SH3RF1: variants seen among roughly 807,000 people sequenced by gnomAD.
SH3RF1 encodes the protein E3 ubiquitin-protein ligase SH3RF1.
A neutral mutation model predicts 74.0 loss-of-function variants in SH3RF1; 32 were observed. The observed-to-expected ratio is 0.43, with a 90% CI of 0.33 to 0.58. SH3RF1 has a LOEUF of 0.58. SH3RF1 is among the 20% of genes least tolerant of loss of function. The pLI is 0.05. For missense variants in SH3RF1, 954 were observed against 1,130.9 expected (o/e 0.84, Z 2.24); for synonymous variants, 396 against 439.6 (o/e 0.90, Z 1.24).
chr4:169,157,884 G>A (rs1734085067), intron 2 of SH3RF1, among the ~76,000 whole-genome samples: 1 of 151,736 alleles, frequency 6.6e-6, no homozygotes, highest in African/African-American at 2.4e-5. Context: ...GGGATTGCAG[G>A]CAAGCACCAC....
At chr4:169,148,541 G>A (rs532207498) in intron 4 of SH3RF1, among the ~76,000 whole-genome samples, 5 of 152,068 alleles carry the variant, frequency 3.3e-5, no homozygotes, top group African/African-American at 1.2e-4. Flanking sequence ...CAAACGTTCT[G>A]GAACATGATT....
intron 2 of SH3RF1, among the ~76,000 whole-genome samples, chr4:169,246,258 G>A (rs1195431014): frequency 6.6e-6 from 1 of 152,212 alleles, no homozygotes; most frequent in Non-Finnish European, 1.5e-5. Flanking sequence ...CATGAGACAC[G>A]TATTTCATAA....
At chr4:169,139,186 C>CCT (rs1733745865) in intron 4 of SH3RF1, among the ~76,000 whole-genome samples, 1 of 152,222 alleles carries the variant, frequency 6.6e-6, no homozygotes, top group Non-Finnish European at 1.5e-5. Context: ...AAGCGATCCT[C>CCT]CTGTCTCAGC....
chr4:169,156,419 G>C lies in SH3RF1; in HGVS notation c.654C>G (p.Cys218Trp). Reference sequence around the variant, plus strand: ...CTACCTTTACCTTTGCAAATGGAAGGCAATCTTTGTCTGCTTCCTTGTCTT... The same window carrying C: ...CTACCTTTACCTTTGCAAATGGAAGCCAATCTTTGTCTGCTTCCTTGTCTT... ...EVKDKEADKD[C>W]LPFAKDDVLT... Residue 218 changes from cysteine (C) to tryptophan (W), a missense_variant, in exon 3 of 12, where the codon TGC (cysteine) becomes TGG (tryptophan). Coordinates refer to ENST00000284637, the MANE Select transcript of SH3RF1 (RefSeq NM_020870.4). 1 of 1,591,950 alleles carries C rather than the reference G, an allele frequency of 6.3e-7. No homozygotes were observed. Among genetic ancestry groups the C allele is most frequent in the Non-Finnish European group, 8.6e-7 (1 of 1,165,572 alleles).
intron 2 of SH3RF1, among the ~76,000 whole-genome samples, chr4:169,186,837 T>C (rs1189306364): frequency 1.4e-5 from 2 of 145,496 alleles, no homozygotes; most frequent in Non-Finnish European, 3.0e-5. Flanking sequence ...AAACCCCATC[T>C]CTACTAAAAA....
At chr4:169,171,767 C>T (rs57056624) in intron 2 of SH3RF1, among the ~76,000 whole-genome samples, 6,748 of 152,062 alleles carry the variant, frequency 0.044, 499 homozygotes, top group African/African-American at 0.15. Context: ...CACAAAAAAC[C>T]ACAGAAGACT....
At chr4:169,257,487 G>T (rs998756994) in intron 2 of SH3RF1, among the ~76,000 whole-genome samples, 1 of 152,116 alleles carries the variant, frequency 6.6e-6, no homozygotes, top group Admixed American at 6.5e-5. Context: ...CGACATGGTC[G>T]CTCTGTCTAA....
chr4:169,150,167 C>G (rs1426222671), intron 4 of SH3RF1, among the ~76,000 whole-genome samples: 1 of 152,184 alleles, frequency 6.6e-6, no homozygotes, highest in East Asian at 1.9e-4. Context: ...CAACTAATTA[C>G]TCCAAATTGT....
chr4:169,241,893 A>T (rs1251061338), intron 2 of SH3RF1, among the ~76,000 whole-genome samples: 1 of 152,108 alleles, frequency 6.6e-6, no homozygotes, highest in Non-Finnish European at 1.5e-5. Context: ...GTCTGTTACC[A>T]GACTTGCTCG....
intron 2 of SH3RF1, among the ~76,000 whole-genome samples, chr4:169,169,700 T>C (rs1339290786): frequency 2.0e-5 from 3 of 152,136 alleles, no homozygotes; most frequent in Non-Finnish European, 4.4e-5. Flanking sequence ...CACTTAAAAA[T>C]TTTTTATTTA....
At chr4:169,177,242 A>G (rs1207036000) in intron 2 of SH3RF1, among the ~76,000 whole-genome samples, 1 of 152,212 alleles carries the variant, frequency 6.6e-6, no homozygotes, top group Non-Finnish European at 1.5e-5. Flanking sequence ...TAAACAGAAG[A>G]ATACCTGTCA....
intron 10 of SH3RF1, among the ~76,000 whole-genome samples, chr4:169,115,017 TCTCTTC>T (rs1733308068): frequency 1.3e-5 from 2 of 152,132 alleles, no homozygotes; most frequent in Non-Finnish European, 2.9e-5. Flanking sequence ...TCCGTTACCA[TCTCTTC>T]TTTTTCTTTT....
chr4:169,196,177 T>C (rs1384191367), intron 2 of SH3RF1, among the ~76,000 whole-genome samples: 1 of 152,222 alleles, frequency 6.6e-6, no homozygotes, highest in African/African-American at 2.4e-5. Context: ...TGTATTTTTT[T>C]CTATTGCTAT....
intron 2 of SH3RF1, among the ~76,000 whole-genome samples, chr4:169,262,206 C>T (rs910508274): frequency 1.3e-5 from 2 of 151,936 alleles, no homozygotes; most frequent in African/African-American, 4.8e-5. Flanking sequence ...AATTCTAGTT[C>T]TGCAAAAAAT....
chr4:169,180,122 G>A (rs192874566), intron 2 of SH3RF1, among the ~76,000 whole-genome samples: 105 of 152,324 alleles, frequency 6.9e-4, no homozygotes, highest in Admixed American at 1.0e-3. Flanking sequence ...GACCATCTGC[G>A]TGACAGCAAA....
chr4:169,121,039 C>A (rs372462708), intron 7 of SH3RF1, 50 bp from the exon 8 acceptor site: 524 of 1,461,462 alleles, frequency 3.6e-4, no homozygotes, highest in African/African-American at 1.7e-3. Context: ...AGACAAATCC[C>A]AAGATGCTCA....
chr4:169,106,760 C>T, intron 11 of SH3RF1, 87 bp downstream of exon 11: 1 of 1,126,402 alleles, frequency 8.9e-7, no homozygotes. Context: ...GAAGATGTGG[C>T]AAAACATCTT....
intron 2 of SH3RF1, among the ~76,000 whole-genome samples, chr4:169,176,139 G>A (rs1014405568): frequency 2.6e-5 from 4 of 152,082 alleles, no homozygotes; most frequent in African/African-American, 9.7e-5. Context: ...ACTTTCCAGC[G>A]TCCAGAACTG....
intron 2 of SH3RF1, among the ~76,000 whole-genome samples, chr4:169,237,028 A>C (rs1406676987): frequency 6.6e-6 from 1 of 152,234 alleles, no homozygotes; most frequent in Non-Finnish European, 1.5e-5. Flanking sequence ...AAATATGCAC[A>C]CGCTCCCTTC....
Sources: allele counts gnomAD v4.1 joint callset (sites outside exome capture counted in the v4.1 genomes callset), GRCh38; gene constraint gnomAD v4.1.1; transcripts MANE v1.5; gene names NCBI Gene and HGNC (gene_info 2026-07-23, HGNC 2026-07-21).